Variants in SOD2 observed in about 807,000 individuals in gnomAD.
The protein encoded by SOD2 is superoxide dismutase 2, also known as superoxide dismutase [Mn], mitochondrial.
A neutral mutation model predicts 27.0 loss-of-function variants in SOD2; 11 were observed. The observed-to-expected ratio is 0.41, with a 90% CI of 0.26 to 0.67. The LOEUF is 0.67. Ranked by LOEUF, SOD2 falls within the 30% of genes least tolerant of loss-of-function variation. The pLI is 0.34. For synonymous variants in SOD2, 105 were observed against 103.0 expected (o/e 1.02, Z -0.12); for missense variants, 250 against 274.5 (o/e 0.91, Z 0.63).
At chr6:159,706,708 A>G (rs1233573698) in intron 1 of SOD2, among the ~76,000 whole-genome samples, 1 of 152,164 alleles carries the variant, frequency 6.6e-6, no homozygotes, top group East Asian at 1.9e-4. Flanking sequence ...AGACAGATCA[A>G]CGAGACAGAA....
At chr6:159,738,699 T>C (rs1040720100) in intron 1 of SOD2, among the ~76,000 whole-genome samples, 3 of 152,210 alleles carry the variant, frequency 2.0e-5, no homozygotes, top group African/African-American at 7.2e-5. Flanking sequence ...TTTCTCTGAA[T>C]CCTCACCAGC....
At chr6:159,726,551 T>C (rs1778178261) in intron 1 of SOD2, 2 of 341,258 alleles carry the variant, frequency 5.9e-6, no homozygotes, top group Admixed American at 8.1e-5. Context: ...CTGTTTCACG[T>C]TCTCCAGGTA....
chr6:159,729,580 C>CTG (rs10643878), upstream of SOD2, among the ~76,000 whole-genome samples: 47,242 of 151,958 alleles, frequency 0.31, 8,555 homozygotes, highest in African/African-American at 0.51. Context: ...TTTGAAAAAT[C>CTG]TATAGCATTT....
upstream of SOD2, chr6:159,727,740 G>T: frequency 1.0e-6 from 1 of 985,176 alleles, no homozygotes; most frequent in Non-Finnish European, 1.2e-6. Flanking sequence ...GGACGCGGGG[G>T]ACCTCCGGGG....
Position 159,676,821 on chromosome 6 carries a change from T to A in SOD2, c.*5672A>T, listed in dbSNP as rs1031990275. 2.0e-5 allele frequency: 3 copies of A among 152,142 alleles called. No individual in the cohort carries two copies. Among genetic ancestry groups the A allele is most frequent in the African/African-American group, 7.2e-5 (3 of 41,426 alleles). 9.4% of individuals were successfully genotyped at this position (152,142 alleles called of 1,614,324 possible). On this transcript the variant is annotated 3_prime_UTR_variant, in exon 5 of 5. Transcript: ENST00000538183. ...CTCTTTCACAGCAAAGGAGCAGGAC[T>A]AAAACCAGGCATCTTGACCAATATC...
intron 1 of SOD2, among the ~76,000 whole-genome samples, chr6:159,714,838 T>C (rs1349133817): frequency 6.6e-6 from 1 of 152,176 alleles, no homozygotes; most frequent in Admixed American, 6.5e-5. Context: ...GCCTCCTTTC[T>C]TGGACCTTTA....
At chr6:159,699,831 G>A (rs1010069478) in intron 1 of SOD2, among the ~76,000 whole-genome samples, 2 of 150,762 alleles carry the variant, frequency 1.3e-5, no homozygotes, top group African/African-American at 2.5e-5. Context: ...ACATCTACTC[G>A]GAGCAGCCAA....
At chr6:159,747,072 T>G (rs551593889), upstream of SOD2, among the ~76,000 whole-genome samples, 5 of 152,330 alleles carry the variant, frequency 3.3e-5, no homozygotes, top group African/African-American at 1.2e-4. Context: ...CCCAAACCAC[T>G]TAGTATATTT....
intron 1 of SOD2, among the ~76,000 whole-genome samples, chr6:159,724,793 A>G (rs1450684381): frequency 6.6e-6 from 1 of 151,252 alleles, no homozygotes; most frequent in Non-Finnish European, 1.5e-5. Context: ...TCAAGGCTGT[A>G]GTGAGCCATG....
At chr6:159,712,375 A>C (rs1224500802) in intron 1 of SOD2, among the ~76,000 whole-genome samples, 13 of 113,820 alleles carry the variant, frequency 1.1e-4, no homozygotes, top group East Asian at 5.3e-4. Flanking sequence ...TCTGACCTCC[A>C]TAACCACCTC....
At chr6:159,728,000 C>A (rs752853530), upstream of SOD2, among the ~76,000 whole-genome samples, 1 of 152,250 alleles carries the variant, frequency 6.6e-6, no homozygotes, top group Non-Finnish European at 1.5e-5. Flanking sequence ...CCGGGCTGAG[C>A]GGCGGCGCTC....
chr6:159,707,811 CAAA>C (rs963938488), intron 1 of SOD2, among the ~76,000 whole-genome samples: 1 of 151,532 alleles, frequency 6.6e-6, no homozygotes, highest in East Asian at 1.9e-4. Flanking sequence ...AGAGACACAA[CAAA>C]AAAAAGAGAA....
Position 159,677,328 on chromosome 6 carries a change from G to C in SOD2, c.*5165C>G, listed in dbSNP as rs1221967688. 1 of 152,086 alleles carries C rather than the reference G, an allele frequency of 6.6e-6. No individual in the cohort carries two copies. Among genetic ancestry groups the C allele is most frequent in the African/African-American group, 2.4e-5 (1 of 41,394 alleles). The allele number at this position is 152,086 out of a possible 1,614,324, so 9.4% of individuals were successfully genotyped here. A position where few individuals can be genotyped will look rare whatever the true frequency, so the allele number is the denominator to read the frequency against. On this transcript the variant is annotated 3_prime_UTR_variant, in exon 5 of 5. Transcript: ENST00000538183. ...AAATTTTTTTTAACGTGTCCCAGAA[G>C]CATCTTGACAACAGAAGCACTCTCA... is the stretch of plus-strand genomic sequence containing the variant.
Position 159,712,006 on chromosome 6 carries a change from CACCTCCATAACCACCACTCACACT to C in SOD2, c.-116+15099_-116+15122del, listed in dbSNP as rs1280762674. Among the ~76,000 whole-genome samples, 15 of 78,804 alleles carry C rather than the reference CACCTCCATAACCACCACTCACACT, an allele frequency of 1.9e-4. 3 individuals are homozygous for C. The highest frequency in any genetic ancestry group is 4.0e-4 in the Non-Finnish European group (15 of 37,714). 51.7% of individuals were successfully genotyped at this position (78,804 alleles called of 152,430 possible). On this transcript the variant is annotated intron_variant, in intron 1 of 2. Transcript: ENST00000401980. The stretch of plus-strand genomic sequence containing the variant: ...CTCACACTGCTCAGACCTCCATAAC[CACCTCCATAACCACCACTCACACT>C]GCTCAGACCTCCATAACCACCTCCA...
intron 1 of SOD2, among the ~76,000 whole-genome samples, chr6:159,704,090 C>A (rs1225600874): frequency 6.6e-6 from 1 of 152,194 alleles, no homozygotes; most frequent in Non-Finnish European, 1.5e-5. Flanking sequence ...TCAAGATCAT[C>A]CTGGCCAACA....
chr6:159,688,074 C>T (rs1342566024), intron 3 of SOD2, 52 bp downstream of exon 3: 11 of 975,778 alleles, frequency 1.1e-5, no homozygotes, highest in Middle Eastern at 2.1e-4. Context: ...AATCAACAAT[C>T]GATTCCTACT....
At chr6:159,682,729 A>AC in intron 4 of SOD2, 91 bp from the exon 5 acceptor site, 1 of 1,280,976 alleles carries the variant, frequency 7.8e-7, no homozygotes, top group Non-Finnish European at 1.1e-6. Flanking sequence ...TTCTACTCAC[A>AC]CAAAATTACC....
At chr6:159,734,470 A>G (rs1258461241) in intron 1 of SOD2, among the ~76,000 whole-genome samples, 4 of 152,152 alleles carry the variant, frequency 2.6e-5, no homozygotes, top group African/African-American at 9.7e-5. Flanking sequence ...ATTAAAATAA[A>G]CCATAAACAC....
chr6:159,747,559 G>A (rs185058447), upstream of SOD2, among the ~76,000 whole-genome samples: 1,319 of 152,252 alleles, frequency 8.7e-3, 11 homozygotes, highest in Non-Finnish European at 0.014. Flanking sequence ...AACTCTTGTA[G>A]CTATAAGTAC....
Sources: allele counts gnomAD v4.1 joint callset (sites outside exome capture counted in the v4.1 genomes callset), GRCh38; gene constraint gnomAD v4.1.1; transcripts MANE v1.5; gene names NCBI Gene and HGNC (gene_info 2026-07-23, HGNC 2026-07-21).